Variants in PHACTR3 observed in about 807,000 individuals in gnomAD.
PHACTR3 encodes protein phosphatase 1, regulatory subunit 123.
Under a neutral mutation model 66.8 loss-of-function variants are expected in PHACTR3, and 16 were observed. The ratio of observed to expected loss-of-function variants is 0.24; its 90% CI spans 0.16 to 0.36. The LOEUF (loss-of-function observed/expected upper bound fraction) is 0.36, where lower values mean the gene tolerates loss of function less well. PHACTR3 is among the 10% of genes least tolerant of loss of function. The pLI, the probability that PHACTR3 is intolerant of heterozygous loss-of-function variation, is 1.00. For synonymous variants in PHACTR3, 323 were observed against 292.1 expected (o/e 1.11, Z -1.08); for missense variants, 647 against 719.9 (o/e 0.90, Z 1.16).
intron 1 of PHACTR3, among the ~76,000 whole-genome samples, chr20:59,672,651 G>A (rs537132052): frequency 6.6e-6 from 1 of 152,306 alleles, no homozygotes; most frequent in South Asian, 2.1e-4. Context: ...TGATAAACGT[G>A]CGTGAGCAGC....
chr20:59,617,431 A>G (rs1040572124), intron 1 of PHACTR3, among the ~76,000 whole-genome samples: 1 of 152,212 alleles, frequency 6.6e-6, no homozygotes, highest in Admixed American at 6.5e-5. Flanking sequence ...GAGCCCACAC[A>G]TTTGTTAATG....
At position 59,811,887 on chromosome 20, in the gene PHACTR3, C is replaced by A. The variant is rs375631404; in HGVS notation, c.1328+5693C>A. 1.4e-4 allele frequency among the ~76,000 whole-genome samples: 22 copies of A among 152,324 alleles called. No individual in the cohort carries two copies. In the South Asian group the frequency reaches 4.6e-3, roughly 32 times the overall value. On this transcript the variant is annotated intron_variant, in intron 8 of 12. Coordinates refer to ENST00000371015, the MANE Select transcript of PHACTR3 (RefSeq NM_080672.5). Reference sequence around the variant, plus strand: ...GAAATGGGGATGGTGGCAATACCTGCCTCAGGGCCCTCTGGAAGATTCCAC... The same window carrying A: ...GAAATGGGGATGGTGGCAATACCTGACTCAGGGCCCTCTGGAAGATTCCAC...
rs186030488 is a variant in PHACTR3 at position 59,586,724 on chromosome 20, G to A, written c.109+9107G>A. Among the ~76,000 whole-genome samples the A allele has an allele frequency of 8.5e-5, 13 of 152,296 alleles. No individual in the cohort carries two copies. In the East Asian group the frequency reaches 2.5e-3, roughly 29 times the overall value. On this transcript the variant is annotated intron_variant, in intron 1 of 12. Coordinates refer to the PHACTR3 transcript ENST00000359926. ...GGAGAGGAGCCACTCTGCAGTCACT[G>A]GACAGTGATAGTCACACCAGCCAGG...
chr20:59,827,102 T>G (rs1467377336), intron 8 of PHACTR3, among the ~76,000 whole-genome samples: 1 of 152,054 alleles, frequency 6.6e-6, no homozygotes, highest in African/African-American at 2.4e-5. Context: ...TTGGTGTCCA[T>G]GTTGCTGTCT....
chr20:59,642,123 C>T (rs2035124510), intron 1 of PHACTR3, among the ~76,000 whole-genome samples: 1 of 152,032 alleles, frequency 6.6e-6, no homozygotes, highest in Non-Finnish European at 1.5e-5. Context: ...GTAGAGAAGG[C>T]AGCCTTTCTG....
intron 1 of PHACTR3, among the ~76,000 whole-genome samples, chr20:59,653,677 C>T (rs993122087): frequency 4.0e-5 from 6 of 151,786 alleles, no homozygotes; most frequent in African/African-American, 1.5e-4. Context: ...AGCAATTAAG[C>T]AATATGTTAA....
At chr20:59,797,566 T>C (rs1022108050) in intron 7 of PHACTR3, among the ~76,000 whole-genome samples, 2 of 152,116 alleles carry the variant, frequency 1.3e-5, no homozygotes, top group Non-Finnish European at 2.9e-5. Flanking sequence ...GTGGGTGCAG[T>C]AATATAGTCT....
intron 1 of PHACTR3, among the ~76,000 whole-genome samples, chr20:59,596,958 C>A (rs1336412987): frequency 6.6e-6 from 1 of 152,258 alleles, no homozygotes; most frequent in Admixed American, 6.5e-5. Flanking sequence ...ACCCCCTCAC[C>A]ATGCAGACTG....
chr20:59,727,754 A>C (rs941452183), intron 1 of PHACTR3, among the ~76,000 whole-genome samples: 2 of 152,224 alleles, frequency 1.3e-5, no homozygotes, highest in Non-Finnish European at 2.9e-5. Flanking sequence ...CATGATGCTC[A>C]AAGAAAATAT....
rs551263225 is a variant in PHACTR3 at position 59,788,267 on chromosome 20, C to T, written c.1174+13777C>T. Among the ~76,000 whole-genome samples, 45 of 152,340 alleles carry T rather than the reference C, an allele frequency of 3.0e-4. 1 individual carries two copies. The highest frequency in any genetic ancestry group is 1.1e-3 in the Admixed American group (17 of 15,304). Reference sequence around the variant, plus strand: ...TAGCCTCCAATCTCATCCACGTCATCGTACAGATGCGTTTTTCTCTAGAGA... The same window carrying T: ...TAGCCTCCAATCTCATCCACGTCATTGTACAGATGCGTTTTTCTCTAGAGA... On this transcript the variant is annotated intron_variant, in intron 7 of 12. Transcript: ENST00000371015.
chr20:59,789,549 AT>A (rs1370173413), intron 7 of PHACTR3, among the ~76,000 whole-genome samples: 1 of 152,248 alleles, frequency 6.6e-6, no homozygotes, highest in African/African-American at 2.4e-5. Context: ...CAAAACCAAA[AT>A]GGACCTGCAG....
intron 1 of PHACTR3, among the ~76,000 whole-genome samples, chr20:59,717,636 C>G (rs150429232): frequency 1.3e-5 from 2 of 151,902 alleles, no homozygotes; most frequent in Non-Finnish European, 1.5e-5. Context: ...AACCCACCCC[C>G]CAGCCCGTGT....
intron 1 of PHACTR3, among the ~76,000 whole-genome samples, chr20:59,717,327 A>G (rs1380830252): frequency 1.3e-5 from 2 of 152,238 alleles, no homozygotes; most frequent in Non-Finnish European, 2.9e-5. Flanking sequence ...GACAAATGGC[A>G]GGGAGATATC....
chr20:59,704,376 A>G (rs1222075057), intron 1 of PHACTR3, among the ~76,000 whole-genome samples: 1 of 152,122 alleles, frequency 6.6e-6, no homozygotes, highest in East Asian at 1.9e-4. Flanking sequence ...AATTGCTCCT[A>G]TACTTAAGAA....
chr20:59,635,145 TTCTTTTTC>T (rs1166352095), intron 1 of PHACTR3, among the ~76,000 whole-genome samples: 636 of 54,612 alleles, frequency 0.012, 9 homozygotes, highest in Middle Eastern at 0.029. Context: ...CTTTCTTTCT[TTCTTTTTC>T]TTTCTTTCTT....
chr20:59,751,438 A>G (rs2039576682), intron 3 of PHACTR3, among the ~76,000 whole-genome samples: 1 of 152,148 alleles, frequency 6.6e-6, no homozygotes, highest in African/African-American at 2.4e-5. Context: ...GACAAACCCC[A>G]GGATTGCCCT....
chr20:59,638,282 G>T (rs1170460840), intron 1 of PHACTR3, among the ~76,000 whole-genome samples: 1 of 152,172 alleles, frequency 6.6e-6, no homozygotes, highest in Non-Finnish European at 1.5e-5. Flanking sequence ...TGTGAGGACA[G>T]GGACAGTATC....
chr20:59,723,569 C>T (rs560128565), intron 1 of PHACTR3, among the ~76,000 whole-genome samples: 15 of 152,232 alleles, frequency 9.9e-5, no homozygotes, highest in Admixed American at 2.6e-4. Flanking sequence ...TGCATATTCA[C>T]GTGCACATTT....
At chr20:59,764,590 G>A (rs1057041477) in intron 4 of PHACTR3, among the ~76,000 whole-genome samples, 9 of 152,170 alleles carry the variant, frequency 5.9e-5, no homozygotes, top group Non-Finnish European at 7.3e-5. Context: ...TAGGTCAAAC[G>A]TATGGAGGAA....
Sources: allele counts gnomAD v4.1 joint callset (sites outside exome capture counted in the v4.1 genomes callset), GRCh38; gene constraint gnomAD v4.1.1; transcripts MANE v1.5; gene names NCBI Gene and HGNC (gene_info 2026-07-23, HGNC 2026-07-21).